Variants in VGLL1 observed in about 807,000 individuals in gnomAD.
VGLL1 encodes transcription cofactor vestigial-like protein 1.
A neutral mutation model predicts 12.0 loss-of-function variants in VGLL1; 4 were observed. That is an observed-to-expected ratio of 0.33 (90% CI 0.16 to 0.76). The LOEUF is 0.76. Ranked by LOEUF, VGLL1 falls within the 30% of genes least tolerant of loss-of-function variation. The probability of loss-of-function intolerance (pLI) is 0.60; values close to 1 mark genes in which losing one functional copy is unlikely to be tolerated. For missense variants in VGLL1, 204 were observed against 208.7 expected (o/e 0.98, Z 0.14); for synonymous variants, 87 against 81.2 (o/e 1.07, Z -0.39).
Position 136,548,643 on chromosome X carries a change from A to T in VGLL1, c.269A>T (p.Gln90Leu). 8.2e-7 allele frequency: 1 copy of T among 1,212,183 alleles called. No individual in the cohort carries two copies. The highest frequency in any genetic ancestry group is 1.1e-6 in the Non-Finnish European group (1 of 895,602). ...WRYSSPWTKP[Q>L]PEVPVTNRAA... ...TACTCGTCTCCATGGACAAAGCCAC[A>T]ACCAGAAGTACCTGTCACAAACCGT... Residue 90 changes from glutamine to leucine, a missense_variant, in exon 3 of 5, where the codon CAA (glutamine) becomes CTA (leucine). Physicochemically the swap from Gln to Leu is moderately radical, Grantham distance 113. Transcript: ENST00000370634.
rs762004677 is a variant in VGLL1, at chrX:136,544,159, C to A, written c.215-4430C>A. 4.5e-5 allele frequency among the ~76,000 whole-genome samples: 5 copies of A among 111,898 alleles called. No homozygotes were observed. The South Asian group carries it at 1.9e-3, about 42-fold the overall frequency. The stretch of plus-strand genomic sequence containing the variant: ...CTCCATGCCATTAAATGTTCTACTA[C>A]AACATCATTTTAATGGCTTAAGAGT... On this transcript the variant is annotated intron_variant, in intron 2 of 4. Transcript: ENST00000370634.
intron 2 of VGLL1, among the ~76,000 whole-genome samples, chrX:136,539,244 G>A (rs1020753023): frequency 8.9e-6 from 1 of 111,897 alleles, no homozygotes; most frequent in African/African-American, 3.3e-5. Context: ...AACCCAAGCT[G>A]GGATAAAACC....
intron 4 of VGLL1, among the ~76,000 whole-genome samples, chrX:136,551,487 CA>C (rs935611163): frequency 9.0e-5 from 10 of 111,672 alleles, no homozygotes; most frequent in Non-Finnish European, 1.9e-4. Context: ...GGTGGAATGA[CA>C]GGAGGATCTT....
chrX:136,542,599 T>G (rs1327420720), intron 2 of VGLL1, among the ~76,000 whole-genome samples: 1 of 112,635 alleles, frequency 8.9e-6, no homozygotes, highest in African/African-American at 3.2e-5. Context: ...CACTTCCATT[T>G]GTGCGTTTTT....
chrX:136,543,194 C>T (rs1010757047), intron 2 of VGLL1, among the ~76,000 whole-genome samples: 2 of 111,857 alleles, frequency 1.8e-5, no homozygotes, highest in African/African-American at 6.5e-5. Context: ...GACTAGGTAC[C>T]CCAGGGAGGC....
chrX:136,549,154 C>A, intron 3 of VGLL1, 146 bp downstream of exon 3: 1 of 580,545 alleles, frequency 1.7e-6, no homozygotes, highest in Non-Finnish European at 2.6e-6. Context: ...CTTAAATGTT[C>A]CATACATCTT....
rs1484311717 is a variant in VGLL1, at chrX:136,556,696, G to A, written c.*157G>A. On this transcript the variant is annotated 3_prime_UTR_variant, in exon 5 of 5. Transcript: ENST00000370634. Reference sequence around the variant, plus strand: ...AGTATGAGCTCAGTACTTGCCCTGTGAAAATCCCAGAAGCCCCCGCTGTCA... The same window carrying A: ...AGTATGAGCTCAGTACTTGCCCTGTAAAAATCCCAGAAGCCCCCGCTGTCA... 4 of 434,099 alleles carry A rather than the reference G, an allele frequency of 9.2e-6. No individual in the cohort carries two copies. The East Asian group carries it at 1.5e-4, about 17-fold the overall frequency. 35.8% of individuals were successfully genotyped at this position (434,099 alleles called of 1,213,427 possible).
At chrX:136,532,589 CTTT>C in intron 1 of VGLL1, among the ~76,000 whole-genome samples, 1 of 39,444 alleles carries the variant, frequency 2.5e-5, no homozygotes, top group East Asian at 6.6e-4. Context: ...TTCTTTCTTT[CTTT>C]CTTTCTTTCT....
At chrX:136,554,199 T>C (rs1401860779) in intron 4 of VGLL1, among the ~76,000 whole-genome samples, 2 of 110,363 alleles carry the variant, frequency 1.8e-5, no homozygotes. Flanking sequence ...GGTGTTGAAA[T>C]AGGGAAAAAT....
At chrX:136,541,823 C>G (rs1194267648) in intron 2 of VGLL1, among the ~76,000 whole-genome samples, 1 of 112,359 alleles carries the variant, frequency 8.9e-6, no homozygotes, top group African/African-American at 3.2e-5. Flanking sequence ...CTTCTCTTCC[C>G]CAATCAGTGT....
chrX:136,555,348 G>A lies in VGLL1; in HGVS notation c.689-1103G>A, dbSNP rs145947232. On this transcript the variant is annotated intron_variant, in intron 4 of 4. Transcript: ENST00000370634. ...GGGCTGAAGAGTGAACCAGAGATGA[G>A]AAAGTGGAGATAGTAAATTCGAGGA... 3.5e-3 allele frequency among the ~76,000 whole-genome samples: 395 copies of A among 112,231 alleles called. 1 individual carries two copies. Among genetic ancestry groups the A allele is most frequent in the Admixed American group, 7.6e-3 (81 of 10,635 alleles).
chrX:136,549,742 T>C (rs144442014), intron 3 of VGLL1, among the ~76,000 whole-genome samples: 3 of 111,847 alleles, frequency 2.7e-5, no homozygotes, highest in African/African-American at 9.7e-5. Context: ...GGCTCCCTTC[T>C]TTGTAAAAGG....
chrX:136,550,555 G>A (rs749967069), intron 3 of VGLL1: 1 of 360,048 alleles, frequency 2.8e-6, no homozygotes, highest in Admixed American at 5.6e-5. Flanking sequence ...TGTTGAGGAA[G>A]TCAGTGACCC....
intron 2 of VGLL1, among the ~76,000 whole-genome samples, chrX:136,547,719 G>A (rs1436927189): frequency 4.5e-5 from 5 of 111,759 alleles, no homozygotes; most frequent in Non-Finnish European, 9.4e-5. Context: ...AACACCAGCT[G>A]TAAAATAAAG....
intron 1 of VGLL1, among the ~76,000 whole-genome samples, chrX:136,533,211 G>T (rs1347222707): frequency 9.0e-6 from 1 of 111,714 alleles, no homozygotes; most frequent in African/African-American, 3.3e-5. Context: ...CAGAGAAGTG[G>T]CCTATGGCTT....
chrX:136,541,517 G>T, intron 2 of VGLL1, among the ~76,000 whole-genome samples: 1 of 112,586 alleles, frequency 8.9e-6, no homozygotes. Context: ...CCCCATGAAA[G>T]GCTTCCAGTC....
intron 2 of VGLL1, among the ~76,000 whole-genome samples, chrX:136,546,938 C>T (rs1448850979): frequency 8.8e-6 from 1 of 113,114 alleles, no homozygotes; most frequent in African/African-American, 3.2e-5. Flanking sequence ...CCCCATCACT[C>T]ACTGTGAATG....
chrX:136,551,095 C>T (rs1603309906), intron 4 of VGLL1: 3 of 256,434 alleles, frequency 1.2e-5, no homozygotes, highest in East Asian at 1.6e-4. Context: ...TTCTTTCTTT[C>T]TTTTTTTTTT....
At chrX:136,548,538 A>G in intron 2 of VGLL1, 51 bp from the exon 3 acceptor site, 1 of 1,139,919 alleles carries the variant, frequency 8.8e-7, no homozygotes, top group Middle Eastern at 2.5e-4. Context: ...AACTACATCC[A>G]TTTTGAAAAC....
Sources: gnomAD v4.1 joint callset for allele counts (sites outside exome capture counted in the v4.1 genomes callset) on GRCh38, gnomAD v4.1.1 for gene constraint, MANE v1.5 for transcripts, NCBI Gene and HGNC (gene_info 2026-07-23, HGNC 2026-07-21) for gene names.